Variants in ASTN1 observed in about 807,000 individuals in gnomAD.
The protein encoded by ASTN1 is astrotactin-1.
Under a neutral mutation model 140.7 loss-of-function variants are expected in ASTN1, and 41 were observed. The ratio of observed to expected loss-of-function variants is 0.29; its 90% CI spans 0.23 to 0.38. The LOEUF is 0.38. ASTN1 is among the 10% of genes least tolerant of loss of function. The probability of loss-of-function intolerance (pLI) is 1.00; values close to 1 mark genes in which losing one functional copy is unlikely to be tolerated. For synonymous variants in ASTN1, 640 were observed against 652.2 expected, an observed-to-expected ratio of 0.98 and a Z score of 0.29; for missense variants, 1,479 against 1,678.8, an observed-to-expected ratio of 0.88 and a Z score of 2.08.
Position 176,876,602 on chromosome 1 carries a change from C to T in ASTN1, c.3398G>A (p.Arg1133His), listed in dbSNP as rs184121032. 9.8e-5 allele frequency: 158 copies of T among 1,614,134 alleles called. No individual in the cohort carries two copies. The East Asian group carries it at 1.9e-3, about 19-fold the overall frequency. ...TLWGVDNTGR[R>H]SRPSDVIVKT... ...CACGATCACGTCGCTTGGCCTGGAG[C>T]GCCGTCCTGTGTTGTCCACTCCCCA... Residue 1133 changes from arginine (R) to histidine (H), a missense_variant, in exon 21 of 23, where the codon CGC becomes CAC. Around this residue, in one of 3 missense-constraint regions of ASTN1, gnomAD observed 746 missense variants for 800.9 expected, o/e 0.93. Coordinates refer to ENST00000361833, the MANE Select transcript of ASTN1 (RefSeq NM_004319.3).
In ASTN1 at chr1:176,863,068, T is replaced by C. The variant is rs1668019247; in HGVS notation, c.*1216A>G. 2.0e-6 allele frequency: 2 copies of C among 985,652 alleles called. No homozygotes were observed. Among genetic ancestry groups the C allele is most frequent in the African/African-American group, 3.5e-5 (2 of 57,250 alleles). 61.1% of individuals were successfully genotyped at this position (985,652 alleles called of 1,614,324 possible). A position where few individuals can be genotyped will look rare whatever the true frequency, so the allele number is the denominator to read the frequency against. ...TTGGCTGGGCCACCATTCATGACCA[T>C]GCCAATGCTTGGGCAGTGGGATGGA... On this transcript the variant is annotated 3_prime_UTR_variant, in exon 23 of 23. Coordinates refer to ENST00000361833, the MANE Select transcript of ASTN1 (RefSeq NM_004319.3).
At chr1:176,900,892 T>C (rs1669737704) in intron 16 of ASTN1, among the ~76,000 whole-genome samples, 1 of 152,216 alleles carries the variant, frequency 6.6e-6, no homozygotes, top group Non-Finnish European at 1.5e-5. Flanking sequence ...AATTATGCCT[T>C]GTTCTCCACT....
At chr1:176,885,319 C>CATAA (rs1668990248) in intron 18 of ASTN1, among the ~76,000 whole-genome samples, 1 of 152,192 alleles carries the variant, frequency 6.6e-6, no homozygotes, top group African/African-American at 2.4e-5. Context: ...GCTCATACCT[C>CATAA]TCTGTACCTC....
intron 1 of ASTN1, among the ~76,000 whole-genome samples, chr1:177,140,158 T>G (rs1352349886): frequency 6.6e-6 from 1 of 152,240 alleles, no homozygotes; most frequent in African/African-American, 2.4e-5. Flanking sequence ...ATCAAAGCGA[T>G]GCTACAGGAA....
At chr1:177,087,131 C>G (rs904610713) in intron 1 of ASTN1, among the ~76,000 whole-genome samples, 1 of 152,122 alleles carries the variant, frequency 6.6e-6, no homozygotes, top group African/African-American at 2.4e-5. Context: ...ATGCCCCTTC[C>G]TCCTGGCAGC....
intron 8 of ASTN1, among the ~76,000 whole-genome samples, chr1:177,008,777 T>A (rs1675136983): frequency 6.6e-6 from 1 of 151,884 alleles, no homozygotes; most frequent in African/African-American, 2.4e-5. Flanking sequence ...GGGAAGATAA[T>A]CCCATTTGTG....
At chr1:176,934,099 G>A (rs1671328213) in intron 16 of ASTN1, 53 bp downstream of exon 16, 1 of 1,513,174 alleles carries the variant, frequency 6.6e-7, no homozygotes. Flanking sequence ...ATTGTATGCA[G>A]GTAGCCAGTA....
intron 1 of ASTN1, among the ~76,000 whole-genome samples, chr1:177,141,330 A>G (rs564178761): frequency 1.2e-4 from 19 of 152,272 alleles, no homozygotes; most frequent in Non-Finnish European, 2.5e-4. Context: ...GCAATGAATG[A>G]TGGGGGCTTG....
At chr1:177,078,184 G>A (rs538482009) in intron 1 of ASTN1, among the ~76,000 whole-genome samples, 2 of 152,254 alleles carry the variant, frequency 1.3e-5, no homozygotes, top group South Asian at 4.1e-4. Flanking sequence ...GCACATTACT[G>A]CAATGCAGCC....
At chr1:176,961,267 G>A (rs1399400249) in intron 9 of ASTN1, among the ~76,000 whole-genome samples, 1 of 152,188 alleles carries the variant, frequency 6.6e-6, no homozygotes. Flanking sequence ...GGTTTAAACG[G>A]ATTTAAAGGT....
chr1:177,139,357 A>G (rs1682352270), intron 1 of ASTN1, among the ~76,000 whole-genome samples: 1 of 152,226 alleles, frequency 6.6e-6, no homozygotes, highest in South Asian at 2.1e-4. Context: ...GTACTTATTA[A>G]AGAGAGGGAC....
rs1676992223 is a variant in ASTN1 at position 177,041,880 on chromosome 1, G to A, written c.472-9031C>T. Among the ~76,000 whole-genome samples the A allele has an allele frequency of 2.0e-5, 3 of 152,210 alleles. No individual in the cohort carries two copies. In the South Asian group the frequency reaches 6.2e-4, roughly 32 times the overall value. On this transcript the variant is annotated intron_variant, in intron 2 of 22. Coordinates refer to ENST00000361833, the MANE Select transcript of ASTN1 (RefSeq NM_004319.3). ...TCTCAGAGAGCTGATAGCTCCATAG[G>A]TAGCAACTGGGGCTGAGTACATGAA...
At chr1:176,928,184 T>C (rs1671051802) in intron 16 of ASTN1, among the ~76,000 whole-genome samples, 2 of 152,072 alleles carry the variant, frequency 1.3e-5, no homozygotes, top group African/African-American at 4.8e-5. Flanking sequence ...TTCTAAAGCT[T>C]GCTTTGTTCA....
rs1667955762 is a variant in ASTN1 at position 176,861,392 on chromosome 1, G to C, written c.*2892C>G. ...AGAGGTCTTGGGGACATGGGAGCTG[G>C]GAGAGTGTTGGTGGGATATAAGCAC... On this transcript the variant is annotated 3_prime_UTR_variant, in exon 23 of 23. Coordinates refer to ENST00000361833, the MANE Select transcript of ASTN1 (RefSeq NM_004319.3). The C allele has an allele frequency of 2.0e-6, 2 of 985,688 alleles. No individual in the cohort carries two copies. Among genetic ancestry groups the C allele is most frequent in the African/African-American group, 3.5e-5 (2 of 57,214 alleles). The allele number at this position is 985,688 out of a possible 1,614,324, so 61.1% of individuals were successfully genotyped here.
chr1:177,083,042 G>T (rs1679256048), intron 1 of ASTN1, among the ~76,000 whole-genome samples: 1 of 152,076 alleles, frequency 6.6e-6, no homozygotes, highest in Non-Finnish European at 1.5e-5. Flanking sequence ...TTTGTATACT[G>T]TCAGTTTCTC....
intron 8 of ASTN1, among the ~76,000 whole-genome samples, chr1:176,991,537 G>A (rs1357419314): frequency 2.0e-5 from 3 of 148,168 alleles, no homozygotes; most frequent in Non-Finnish European, 4.5e-5. Context: ...GAATTAAAAC[G>A]GAGATGAAGT....
chr1:177,024,546 G>A (rs772928242), intron 6 of ASTN1, 37 bp downstream of exon 6: 1 of 1,601,274 alleles, frequency 6.2e-7, no homozygotes, highest in East Asian at 2.2e-5. Flanking sequence ...TTTCCTTTTT[G>A]GGGGGCAAGG....
chr1:177,079,351 T>A (rs2102071821), intron 1 of ASTN1, among the ~76,000 whole-genome samples: 1 of 152,294 alleles, frequency 6.6e-6, no homozygotes, highest in East Asian at 1.9e-4. Context: ...AAAGGCCAAG[T>A]GCTGGGACCA....
chr1:177,077,921 C>T (rs542155974), intron 1 of ASTN1, among the ~76,000 whole-genome samples: 68 of 152,074 alleles, frequency 4.5e-4, no homozygotes, highest in African/African-American at 1.5e-3. Context: ...GATTCTCACT[C>T]GTAGGAATGT....
Sources: gnomAD v4.1 joint callset for allele counts (sites outside exome capture counted in the v4.1 genomes callset) on GRCh38, gnomAD v4.1.1 for gene constraint, gnomAD v4.1.1 regional missense constraint, MANE v1.5 for transcripts, NCBI Gene and HGNC (gene_info 2026-07-23, HGNC 2026-07-21) for gene names.